The following ASB3 variants were observed in gnomAD, a reference collection of about 807,000 sequenced individuals.
The protein encoded by ASB3 is ankyrin repeat and SOCS box containing 3, also known as ankyrin repeat and SOCS box protein 3.
ASB3 carries 41 observed loss-of-function variants against 54.5 expected under a neutral mutation model. The observed-to-expected ratio is 0.75, with a 90% CI of 0.59 to 0.98. The LOEUF (loss-of-function observed/expected upper bound fraction) is 0.98, where lower values mean the gene tolerates loss of function less well. Ranked by LOEUF, ASB3 falls within the 50% of genes least tolerant of loss-of-function variation. ASB3 has a pLI of 0.00. For synonymous variants in ASB3, 266 were observed against 221.2 expected (o/e 1.20, Z -1.80); for missense variants, 733 against 620.0 (o/e 1.18, Z -1.94).
rs1321791951 is a variant in ASB3 at position 53,765,367 on chromosome 2, T to A, written c.196+10A>T. On this transcript the variant is annotated intron_variant, in intron 2 of 9. Coordinates refer to ENST00000263634, the MANE Select transcript of ASB3 (RefSeq NM_016115.5). ...GTAGGCAAAGCCTCCATACCTTGAA[T>A]TTACTTTACCTGCATTAATTAACAT... 3 of 1,614,018 alleles carry A rather than the reference T, an allele frequency of 1.9e-6. No individual in the cohort carries two copies. The highest frequency in any genetic ancestry group is 2.5e-6 in the Non-Finnish European group (3 of 1,180,006).
intron 2 of ASB3, chr2:53,763,711 G>A (rs961699709): frequency 3.6e-5 from 6 of 165,906 alleles, no homozygotes; most frequent in South Asian, 2.0e-4. Context: ...ACACTATTCC[G>A]ATATGAAGAA....
At chr2:53,776,156 A>G (rs571691271) in intron 1 of ASB3, among the ~76,000 whole-genome samples, 1 of 152,352 alleles carries the variant, frequency 6.6e-6, no homozygotes, top group Non-Finnish European at 1.5e-5. Context: ...TTTCACATAA[A>G]GCTGTCCTAC....
intron 9 of ASB3, among the ~76,000 whole-genome samples, chr2:53,690,529 C>G (rs3770408): frequency 1.3e-5 from 2 of 151,888 alleles, no homozygotes; most frequent in African/African-American, 4.8e-5. Flanking sequence ...GAAGCTGTAA[C>G]AGCATCCAAG....
intron 1 of ASB3, chr2:53,768,198 GC>G (rs1266335629): frequency 1.4e-6 from 1 of 705,550 alleles, no homozygotes; most frequent in Non-Finnish European, 2.2e-6. Context: ...CTCTAACCCA[GC>G]CCGGGCACTC....
At position 53,767,888 on chromosome 2, in the gene ASB3, T is replaced by C. The variant is rs377592871; in HGVS notation, c.-13-2303A>G. The C allele has an allele frequency of 3.7e-6, 6 of 1,609,828 alleles. No homozygotes were observed. The African/African-American group carries it at 8.0e-5, about 21-fold the overall frequency. ...CTGGGGCAGAGGAGCCGCGAGAAGA[T>C]GTGGGTTTTTGGTTACGGGTCCCTG... On this transcript the variant is annotated intron_variant, in intron 1 of 9. Coordinates refer to ENST00000263634, the MANE Select transcript of ASB3 (RefSeq NM_016115.5).
chr2:53,735,548 A>C (rs1406589497), intron 3 of ASB3, among the ~76,000 whole-genome samples: 1 of 152,100 alleles, frequency 6.6e-6, no homozygotes, highest in African/African-American at 2.4e-5. Context: ...TATTTTAAAA[A>C]TATCAATTCT....
intron 6 of ASB3, among the ~76,000 whole-genome samples, chr2:53,714,850 C>A (rs946099443): frequency 2.0e-5 from 3 of 152,012 alleles, no homozygotes; most frequent in African/African-American, 4.8e-5. Context: ...AAAAGGTGCT[C>A]TTTTAATTTT....
chr2:53,736,788 G>A (rs150811120), intron 3 of ASB3, among the ~76,000 whole-genome samples: 11 of 151,556 alleles, frequency 7.3e-5, no homozygotes, highest in African/African-American at 2.7e-4. Context: ...GATCACCTGA[G>A]GTCAGGAATT....
intron 9 of ASB3, among the ~76,000 whole-genome samples, chr2:53,689,371 A>C (rs548718215): frequency 1.3e-5 from 2 of 152,354 alleles, no homozygotes; most frequent in East Asian, 3.9e-4. Flanking sequence ...CAAGTGACTT[A>C]ATGATATGTT....
chr2:53,714,293 A>C, intron 7 of ASB3, 91 bp downstream of exon 7: 2 of 1,473,538 alleles, frequency 1.4e-6, no homozygotes, highest in Non-Finnish European at 1.8e-6. Flanking sequence ...TAACAGAGAT[A>C]CTAAGTTTCA....
chr2:53,713,131 G>A (rs1478967139), intron 7 of ASB3, among the ~76,000 whole-genome samples: 1 of 152,222 alleles, frequency 6.6e-6, no homozygotes, highest in Non-Finnish European at 1.5e-5. Flanking sequence ...CTTGAGGCCA[G>A]GAGTTCGAGA....
intron 1 of ASB3, among the ~76,000 whole-genome samples, chr2:53,772,540 A>G (rs1224533553): frequency 6.6e-6 from 1 of 152,012 alleles, no homozygotes; most frequent in Non-Finnish European, 1.5e-5. Context: ...ATTAACGGAA[A>G]TACCTGCCCC....
chr2:53,713,864 G>C (rs961785623), intron 7 of ASB3, among the ~76,000 whole-genome samples: 4 of 151,936 alleles, frequency 2.6e-5, no homozygotes, highest in African/African-American at 7.3e-5. Flanking sequence ...AATGAGTCAA[G>C]ATGGTGCCAC....
intron 9 of ASB3, among the ~76,000 whole-genome samples, chr2:53,689,657 T>C (rs959485022): frequency 1.3e-5 from 2 of 152,190 alleles, no homozygotes; most frequent in African/African-American, 4.8e-5. Context: ...GAAAAGAACA[T>C]TGCTCAAAAC....
intron 1 of ASB3, chr2:53,768,295 G>T (rs981016778): frequency 7.6e-6 from 3 of 394,726 alleles, no homozygotes; most frequent in Non-Finnish European, 9.2e-6. Flanking sequence ...GCACCAGGCT[G>T]AGTGCGGAGA....
chr2:53,672,095 G>A (rs939196760), intron 9 of ASB3, among the ~76,000 whole-genome samples: 1 of 152,084 alleles, frequency 6.6e-6, no homozygotes, highest in South Asian at 2.1e-4. Context: ...ACTCATCATC[G>A]TTTTTAGTTT....
intron 3 of ASB3, among the ~76,000 whole-genome samples, chr2:53,731,809 T>G (rs1241028457): frequency 2.0e-5 from 3 of 152,066 alleles, no homozygotes; most frequent in Non-Finnish European, 4.4e-5. Flanking sequence ...CCCGCAATCA[T>G]GCTCGGCTAC....
intron 7 of ASB3, among the ~76,000 whole-genome samples, chr2:53,701,587 T>A (rs536254887): frequency 3.3e-5 from 5 of 152,272 alleles, no homozygotes; most frequent in African/African-American, 1.2e-4. Context: ...CTTTAGTTCC[T>A]GAAAATGATC....
chr2:53,707,276 GC>G (rs1669832011), intron 7 of ASB3, among the ~76,000 whole-genome samples: 1 of 152,206 alleles, frequency 6.6e-6, no homozygotes, highest in African/African-American at 2.4e-5. Flanking sequence ...GGGCAGCACA[GC>G]TCTAGACTCT....
Sources: gnomAD v4.1 joint callset for allele counts (sites outside exome capture counted in the v4.1 genomes callset) on GRCh38, gnomAD v4.1.1 for gene constraint, MANE v1.5 for transcripts, NCBI Gene and HGNC (gene_info 2026-07-23, HGNC 2026-07-21) for gene names.